The following NSUN7 variants were observed in gnomAD, a reference collection of about 807,000 sequenced individuals.
NSUN7 encodes the protein protein NSUN7.
In NSUN7, 39 loss-of-function variants were observed where a neutral mutation model predicts 58.5. The ratio of observed to expected loss-of-function variants is 0.67; its 90% CI spans 0.52 to 0.87. NSUN7 has a LOEUF of 0.87. NSUN7 is among the 40% of genes least tolerant of loss of function. NSUN7 has a pLI of 0.00. For synonymous variants in NSUN7, 278 were observed against 303.7 expected, an observed-to-expected ratio of 0.92 and a Z score of 0.88; for missense variants, 765 against 844.1, an observed-to-expected ratio of 0.91 and a Z score of 1.16.
At chr4:40,798,348 T>A (rs1001325574) in intron 9 of NSUN7, among the ~76,000 whole-genome samples, 2 of 152,226 alleles carry the variant, frequency 1.3e-5, no homozygotes, top group African/African-American at 4.8e-5. Flanking sequence ...ATTTTACGGA[T>A]GAAAAATTTA....
At chr4:40,760,405 C>T in intron 2 of NSUN7, 29 bp from the exon 3 acceptor site, 2 of 1,571,552 alleles carry the variant, frequency 1.3e-6, no homozygotes, top group South Asian at 1.1e-5. Flanking sequence ...TTTGTATTTT[C>T]AGTAACAGGC....
intron 11 of NSUN7, among the ~76,000 whole-genome samples, chr4:40,807,466 G>GCCTCAA (rs1743856692): frequency 6.6e-6 from 1 of 151,406 alleles, no homozygotes; most frequent in Admixed American, 6.6e-5. Flanking sequence ...CTCTGACTCA[G>GCCTCAA]CCTCAACCTA....
intron 7 of NSUN7, chr4:40,786,210 G>T (rs572418715): frequency 4.3e-6 from 7 of 1,614,016 alleles, no homozygotes; most frequent in Middle Eastern, 1.7e-4. Context: ...GTGCTGGAAA[G>T]ACAACTGTCT....
intron 2 of NSUN7, among the ~76,000 whole-genome samples, chr4:40,756,212 G>A (rs1741137399): frequency 6.6e-6 from 1 of 152,252 alleles, no homozygotes; most frequent in African/African-American, 2.4e-5. Flanking sequence ...GGCCTGCTGA[G>A]CAGGAAGAGG....
At chr4:40,752,035 G>T (rs1183375093) in intron 2 of NSUN7, among the ~76,000 whole-genome samples, 1 of 152,204 alleles carries the variant, frequency 6.6e-6, no homozygotes. Context: ...ACTATGAGGA[G>T]AGCAGTCAAA....
chr4:40,796,077 G>A (rs185499620), intron 9 of NSUN7, among the ~76,000 whole-genome samples: 11 of 152,190 alleles, frequency 7.2e-5, no homozygotes, highest in East Asian at 3.9e-4. Flanking sequence ...CTTTAAAATC[G>A]TAAGTGGGAG....
In NSUN7 at chr4:40,774,212, T is replaced by C. The variant is rs915852193; in HGVS notation, c.489-53T>C. The C allele has an allele frequency of 4.7e-6, 7 of 1,479,248 alleles. No homozygotes were observed. The African/African-American group carries it at 7.0e-5, about 15-fold the overall frequency. The allele number at this position is 1,479,248 out of a possible 1,614,324, so 91.6% of individuals were successfully genotyped here. A position where few individuals can be genotyped will look rare whatever the true frequency, so the allele number is the denominator to read the frequency against. On this transcript the variant is annotated intron_variant, in intron 4 of 11. Transcript: ENST00000381782. ...ATTTTTTAGAGTTTCCAGTGGAAAA[T>C]TGATAGTCTTGTCTCAAATGCAATA...
intron 8 of NSUN7, among the ~76,000 whole-genome samples, chr4:40,791,358 T>C (rs1422515035): frequency 6.6e-6 from 1 of 152,186 alleles, no homozygotes; most frequent in East Asian, 1.9e-4. Flanking sequence ...AGCACTTAGA[T>C]GTAAGGCCCT....
At chr4:40,760,380 G>A (rs563489818) in intron 2 of NSUN7, 54 bp from the exon 3 acceptor site, 2 of 1,344,352 alleles carry the variant, frequency 1.5e-6, no homozygotes, top group South Asian at 2.4e-5. Flanking sequence ...TGATTCCAGA[G>A]TTTTCATTTT....
At chr4:40,750,518 A>G in intron 1 of NSUN7, 85 bp from the exon 2 acceptor site, 1 of 596,906 alleles carries the variant, frequency 1.7e-6, no homozygotes, top group Non-Finnish European at 2.8e-6. Context: ...GCTCCCTCTT[A>G]GTCTTTAAGG....
chr4:40,754,749 G>A (rs941821704), intron 2 of NSUN7, among the ~76,000 whole-genome samples: 1 of 152,106 alleles, frequency 6.6e-6, no homozygotes, highest in African/African-American at 2.4e-5. Context: ...TAATATTTAA[G>A]GAGTAGGAGA....
chr4:40,777,080 A>G (rs1014015216), intron 7 of NSUN7, among the ~76,000 whole-genome samples: 1 of 152,212 alleles, frequency 6.6e-6, no homozygotes, highest in Admixed American at 6.5e-5. Context: ...TCAGGATTTG[A>G]CCAGGAGAGG....
rs930317925 is a variant in NSUN7, at chr4:40,806,933, C to T, written c.1401-128C>T. Reference sequence around the variant, plus strand: ...GGAAAGGCTGCTTCAGAATTGTGTTCTTGATTGGAATTTCTGTTTAAACGA... The same window carrying T: ...GGAAAGGCTGCTTCAGAATTGTGTTTTTGATTGGAATTTCTGTTTAAACGA... On this transcript the variant is annotated intron_variant, in intron 10 of 11. Transcript: ENST00000381782. The T allele has an allele frequency of 2.1e-5, 19 of 925,522 alleles. No homozygotes were observed. In the African/African-American group the frequency reaches 2.6e-4, roughly 13 times the overall value. 57.3% of individuals were successfully genotyped at this position (925,522 alleles called of 1,614,324 possible).
At chr4:40,754,146 CT>C (rs375750265) in intron 2 of NSUN7, among the ~76,000 whole-genome samples, 174 of 141,062 alleles carry the variant, frequency 1.2e-3, no homozygotes, top group Middle Eastern at 7.2e-3. Context: ...TGCTATTTTC[CT>C]TTTTTTTTTT....
chr4:40,768,229 T>C (rs985673945), intron 4 of NSUN7, among the ~76,000 whole-genome samples: 2 of 149,678 alleles, frequency 1.3e-5, no homozygotes, highest in African/African-American at 2.5e-5. Flanking sequence ...TGAGACGGAC[T>C]CTTGCTCTGT....
intron 4 of NSUN7, among the ~76,000 whole-genome samples, chr4:40,771,377 C>T (rs1373121903): frequency 6.6e-6 from 1 of 152,188 alleles, no homozygotes; most frequent in African/African-American, 2.4e-5. Context: ...TTGACTCTCT[C>T]TTTCTACCTC....
intron 7 of NSUN7, among the ~76,000 whole-genome samples, chr4:40,785,761 T>C (rs1164228124): frequency 6.6e-6 from 1 of 152,272 alleles, no homozygotes; most frequent in Non-Finnish European, 1.5e-5. Context: ...TAAAAATACA[T>C]GTTAACATGT....
At chr4:40,753,069 C>G (rs1206187627) in intron 2 of NSUN7, among the ~76,000 whole-genome samples, 2 of 152,054 alleles carry the variant, frequency 1.3e-5, no homozygotes, top group East Asian at 1.9e-4. Flanking sequence ...AATGTTAATG[C>G]TAGAATTTTA....
In NSUN7 at chr4:40,775,559, T is replaced by A. The variant is rs1247688725; in HGVS notation, c.826-490T>A. ...TATCCCTTTTCCACATTCATATTCT[T>A]GGGCAGAATCTCTTACCATATCAAG... On this transcript the variant is annotated intron_variant, in intron 6 of 11. Coordinates refer to ENST00000381782, the MANE Select transcript of NSUN7 (RefSeq NM_024677.6). The surrounding 1 kb of genome is among the most constrained non-coding windows in gnomAD (Gnocchi z 4.3). The A allele has an allele frequency of 6.5e-6, 1 of 152,950 alleles. No individual in the cohort carries two copies. Among genetic ancestry groups the A allele is most frequent in the South Asian group, 2.1e-4 (1 of 4,870 alleles). 9.5% of individuals were successfully genotyped at this position (152,950 alleles called of 1,614,324 possible).
Sources: allele counts gnomAD v4.1 joint callset (sites outside exome capture counted in the v4.1 genomes callset), GRCh38; gene constraint gnomAD v4.1.1; non-coding constraint Gnocchi (gnomAD v3.1); transcripts MANE v1.5; gene names NCBI Gene and HGNC (gene_info 2026-07-23, HGNC 2026-07-21).